The following RARA variants were observed in gnomAD, a reference collection of about 807,000 sequenced individuals.
RARA encodes the protein retinoic acid receptor alpha, also known as PML-DDX5-RARA fusion.
RARA carries 5 observed loss-of-function variants against 42.8 expected under a neutral mutation model. That is an observed-to-expected ratio of 0.12 (90% CI 0.06 to 0.25). The LOEUF (loss-of-function observed/expected upper bound fraction) is 0.25. RARA is among the 10% of genes least tolerant of loss of function. The pLI, the probability that RARA is intolerant of heterozygous loss-of-function variation, is 1.00. For missense variants in RARA, 402 were observed against 628.7 expected (o/e 0.64, Z 3.86); for synonymous variants, 256 against 259.5 (o/e 0.99, Z 0.13).
At position 40,356,405 on chromosome 17, in the gene RARA, C is replaced by T. The variant is rs1294476555; in HGVS notation, c.*179C>T. 2.2e-5 allele frequency: 17 copies of T among 768,268 alleles called. No individual in the cohort carries two copies. In the East Asian group the frequency reaches 4.5e-4, roughly 21 times the overall value. 47.6% of individuals were successfully genotyped at this position (768,268 alleles called of 1,614,324 possible). A position where few individuals can be genotyped will look rare whatever the true frequency, so the allele number is the denominator to read the frequency against. On this transcript the variant is annotated 3_prime_UTR_variant, in exon 9 of 9. Coordinates refer to ENST00000254066, the MANE Select transcript of RARA (RefSeq NM_000964.4). ...GACTCCTTGGACAGAGGCCTGGGCC[C>T]TCAGTGGACTGCCTGCTCCCACAGC...
At chr17:40,329,442 G>T (rs866508379) in intron 1 of RARA, among the ~76,000 whole-genome samples, 3 of 152,176 alleles carry the variant, frequency 2.0e-5, no homozygotes, top group Non-Finnish European at 4.4e-5. Flanking sequence ...AAGTAGCTGG[G>T]ATTACAGGCA....
At chr17:40,340,886 CT>C in intron 2 of RARA, 1 of 400,174 alleles carries the variant, frequency 2.5e-6, no homozygotes, top group South Asian at 1.3e-4. Flanking sequence ...CTGCTCTACT[CT>C]TTATTATTAG....
intron 1 of RARA, chr17:40,318,371 G>T (rs1383451702): frequency 6.6e-6 from 1 of 152,310 alleles, no homozygotes; most frequent in Non-Finnish European, 1.5e-5. Context: ...CCCTGATGCC[G>T]AGCAGCACCA....
In RARA at chr17:40,320,689, C is replaced by A. The variant is rs2033349444; in HGVS notation, c.-362-10168C>A. ...CAAACCCCAATGCCCAGTTTCCAGT[C>A]CTCTTGGAAGCATGGGCAGGACAGG... is the stretch of plus-strand genomic sequence containing the variant. On this transcript the variant is annotated intron_variant, in intron 1 of 8. Transcript: ENST00000254066. This position sits in a 1 kb window ranked among gnomAD's most constrained non-coding sequence, Gnocchi z 4.1. 1.3e-5 allele frequency among the ~76,000 whole-genome samples: 2 copies of A among 152,150 alleles called. No individual in the cohort carries two copies.
intron 2 of RARA, among the ~76,000 whole-genome samples, chr17:40,339,285 G>A (rs748042615): frequency 1.3e-5 from 2 of 152,190 alleles, no homozygotes; most frequent in Non-Finnish European, 2.9e-5. Context: ...TTGGGGACAG[G>A]AGGGGGCCCT....
intron 2 of RARA, chr17:40,342,864 CACTGT>C (rs1301677095): frequency 6.2e-7 from 1 of 1,611,668 alleles, no homozygotes; most frequent in Non-Finnish European, 8.5e-7. Flanking sequence ...TGGCTCAAAC[CACTGT>C]ACGTACCGGC....
intron 2 of RARA, chr17:40,341,906 C>T: frequency 3.7e-6 from 4 of 1,083,392 alleles, no homozygotes; most frequent in Non-Finnish European, 4.7e-6. Context: ...TACTCGGCGT[C>T]CCTCTGTACT....
intron 2 of RARA, among the ~76,000 whole-genome samples, chr17:40,332,870 T>TAGTCTGTGTTAGTGATGGGG (rs2033737116): frequency 6.6e-6 from 1 of 152,208 alleles, no homozygotes; most frequent in African/African-American, 2.4e-5. Context: ...TCTGGTCCTA[T>TAGTCTGTGTTAGTGATGGGG]AGTCTGTGTT....
At position 40,309,201 on chromosome 17, in the gene RARA, AG is replaced by A. The variant is rs1567740339; in HGVS notation, c.-442del. 2 of 152,298 alleles carry A rather than the reference AG, an allele frequency of 1.3e-5. No homozygotes were observed. The highest frequency in any genetic ancestry group is 2.4e-5 in the African/African-American group (1 of 41,448). The allele number at this position is 152,298 out of a possible 1,614,324, so 9.4% of individuals were successfully genotyped here. On this transcript the variant is annotated 5_prime_UTR_variant, in exon 1 of 9. Coordinates refer to ENST00000254066, the MANE Select transcript of RARA (RefSeq NM_000964.4). ...TCTTGCAGCAGCCTAACCCAGAAGC[AG>A]GGGGGAATCCTGAATCGAGCTGAGA...
chr17:40,353,295 G>T (rs146882913), intron 6 of RARA, among the ~76,000 whole-genome samples: 1 of 152,206 alleles, frequency 6.6e-6, no homozygotes, highest in Non-Finnish European at 1.5e-5. Flanking sequence ...GGATGCAGGG[G>T]GTGGGGGCAG....
intron 1 of RARA, among the ~76,000 whole-genome samples, chr17:40,322,483 C>T (rs1298377697): frequency 6.6e-6 from 1 of 152,088 alleles, no homozygotes; most frequent in Admixed American, 6.5e-5. Flanking sequence ...CACTGTACCC[C>T]GCAGGCAGTG....
At chr17:40,341,222 C>A in intron 2 of RARA, 1 of 868,658 alleles carries the variant, frequency 1.2e-6, no homozygotes, top group Non-Finnish European at 1.6e-6. Context: ...CTCTCCAGAG[C>A]TGGACAGTGC....
intron 1 of RARA, among the ~76,000 whole-genome samples, chr17:40,314,996 G>T (rs1468226759): frequency 6.6e-6 from 1 of 151,630 alleles, no homozygotes; most frequent in Admixed American, 6.6e-5. Flanking sequence ...ATCCACTAAG[G>T]GGTGAAGGAA....
At chr17:40,318,823 T>G (rs1012765192) in intron 1 of RARA, among the ~76,000 whole-genome samples, 5 of 152,232 alleles carry the variant, frequency 3.3e-5, no homozygotes, top group African/African-American at 1.2e-4. Context: ...CTCAACGGAC[T>G]AGCCCCCTCT....
chr17:40,354,413 G>A lies in RARA; in HGVS notation c.919G>A (p.Asp307Asn), dbSNP rs763372641. The change falls in exon 7 of 9, where the codon GAC (aspartate) becomes AAC (asparagine). Residue 307 changes from aspartate (D) to asparagine (N), a missense_variant. Asp to Asn is a conservative substitution (Grantham distance 23, BLOSUM62 1). This residue lies in a region of RARA where 104 missense variants were observed against 160.1 expected (regional missense o/e 0.65). Coordinates refer to ENST00000254066, the MANE Select transcript of RARA (RefSeq NM_000964.4). The surrounding 1 kb of genome is among the most constrained non-coding windows in gnomAD (Gnocchi z 4.5). ...CAACGCTGGCTTCGGCCCCCTCACC[G>A]ACCTGGTCTTTGCCTTCGCCAACCA... ...MHNAGFGPLT[D>N]LVFAFANQLL... is the part of the protein sequence containing the mutation. 9.9e-6 allele frequency: 16 copies of A among 1,614,034 alleles called. No homozygotes were observed. The highest frequency in any genetic ancestry group is 1.2e-5 in the Non-Finnish European group (14 of 1,180,044).
At chr17:40,347,442 C>T (rs946753659) in intron 2 of RARA, among the ~76,000 whole-genome samples, 6 of 152,186 alleles carry the variant, frequency 3.9e-5, no homozygotes, top group African/African-American at 1.4e-4. Context: ...GGGCATGGAG[C>T]CAGACACTGG....
intron 1 of RARA, among the ~76,000 whole-genome samples, chr17:40,328,361 T>G (rs1411166963): frequency 6.6e-6 from 1 of 152,128 alleles, no homozygotes; most frequent in Non-Finnish European, 1.5e-5. Context: ...AAATGGACAG[T>G]CCTTATTTTG....
At chr17:40,342,817 G>C (rs370534498) in intron 2 of RARA, 2 of 1,613,006 alleles carry the variant, frequency 1.2e-6, no homozygotes, top group East Asian at 2.2e-5. Flanking sequence ...CCCGCCCCGG[G>C]TCCGTACTCC....
Position 40,355,952 on chromosome 17 carries a change from G to T in RARA, c.1172-57G>T. 6.8e-7 allele frequency: 1 copy of T among 1,478,652 alleles called. No individual in the cohort carries two copies. The highest frequency in any genetic ancestry group is 9.2e-7 in the Non-Finnish European group (1 of 1,091,660). The allele number at this position is 1,478,652 out of a possible 1,614,324, so 91.6% of individuals were successfully genotyped here. ...CCCACCTCGAGCCAGGCTTGCTGGG[G>T]CTGGGGGTGGGAGGGCTGGCCCAGC... On this transcript the variant is annotated intron_variant, in intron 8 of 8. Transcript: ENST00000254066. The surrounding 1 kb of genome is among the most constrained non-coding windows in gnomAD (Gnocchi z 4.1).
Sources: gnomAD v4.1 joint callset for allele counts (sites outside exome capture counted in the v4.1 genomes callset) on GRCh38, gnomAD v4.1.1 for gene constraint, gnomAD v4.1.1 regional missense constraint, Gnocchi (gnomAD v3.1) non-coding constraint, MANE v1.5 for transcripts, NCBI Gene and HGNC (gene_info 2026-07-23, HGNC 2026-07-21) for gene names.